PAK2: variants seen among roughly 807,000 people sequenced by gnomAD.
PAK2 encodes p21 (RAC1) activated kinase 2.
A neutral mutation model predicts 65.9 loss-of-function variants in PAK2; 21 were observed. The observed-to-expected ratio is 0.32, with a 90% CI of 0.23 to 0.46. The LOEUF (loss-of-function observed/expected upper bound fraction) is 0.46, where lower values mean the gene tolerates loss of function less well. PAK2 is among the 20% of genes least tolerant of loss of function. The probability of loss-of-function intolerance (pLI) is 1.00; values close to 1 mark genes in which losing one functional copy is unlikely to be tolerated. For synonymous variants in PAK2, 204 were observed against 219.7 expected (o/e 0.93, Z 0.63); for missense variants, 324 against 642.6 (o/e 0.50, Z 5.36).
chr3:196,818,227 C>A (rs1267512757), intron 12 of PAK2, 71 bp downstream of exon 12: 2 of 679,494 alleles, frequency 2.9e-6, no homozygotes, highest in African/African-American at 1.8e-5. Flanking sequence ...AAAAACTTTT[C>A]TTGACCAATG....
chr3:196,768,768 C>A (rs1007124693), intron 1 of PAK2, among the ~76,000 whole-genome samples: 1 of 151,668 alleles, frequency 6.6e-6, no homozygotes, highest in Non-Finnish European at 1.5e-5. Context: ...TGAGTTCAAG[C>A]GATTCTCCTG....
chr3:196,821,354 C>T (rs1403013929), intron 13 of PAK2, among the ~76,000 whole-genome samples: 1 of 150,942 alleles, frequency 6.6e-6, no homozygotes, highest in Non-Finnish European at 1.5e-5. Flanking sequence ...AACCCCACCA[C>T]AACAGGATAA....
At chr3:196,788,142 T>G (rs1021682924) in intron 2 of PAK2, among the ~76,000 whole-genome samples, 1 of 152,240 alleles carries the variant, frequency 6.6e-6, no homozygotes, top group African/African-American at 2.4e-5. Flanking sequence ...CCTCGTGGAT[T>G]TTATTCTGTG....
intron 1 of PAK2, among the ~76,000 whole-genome samples, chr3:196,749,210 G>C (rs1048591845): frequency 2.0e-5 from 3 of 151,848 alleles, no homozygotes; most frequent in Admixed American, 2.0e-4. Flanking sequence ...TACGAACATG[G>C]GTGTACAAAT....
chr3:196,812,394 A>G, intron 9 of PAK2, 127 bp downstream of exon 9: 2 of 703,170 alleles, frequency 2.8e-6, no homozygotes. Flanking sequence ...CGCTCTACGT[A>G]TGTTTATAGC....
At chr3:196,801,282 G>A (rs985692617) in intron 2 of PAK2, among the ~76,000 whole-genome samples, 8 of 152,156 alleles carry the variant, frequency 5.3e-5, no homozygotes, top group African/African-American at 1.9e-4. Context: ...CTCAGCATCT[G>A]AGATGTAGCC....
At chr3:196,785,313 G>A (rs1159969125) in intron 2 of PAK2, among the ~76,000 whole-genome samples, 1 of 152,104 alleles carries the variant, frequency 6.6e-6, no homozygotes, top group African/African-American at 2.4e-5. Context: ...TGTGGGTCCT[G>A]ACCAAAGATT....
chr3:196,790,309 G>A (rs1025973705), intron 2 of PAK2, among the ~76,000 whole-genome samples: 13 of 152,192 alleles, frequency 8.5e-5, no homozygotes, highest in African/African-American at 2.9e-4. Context: ...ATGTGACTCA[G>A]GGTCTCTGCC....
intron 2 of PAK2, among the ~76,000 whole-genome samples, chr3:196,795,526 A>AG (rs1370967324): frequency 4.6e-5 from 7 of 152,066 alleles, no homozygotes; most frequent in Non-Finnish European, 1.0e-4. Flanking sequence ...AAAAGCTACC[A>AG]GAAAAAAAAT....
intron 8 of PAK2, among the ~76,000 whole-genome samples, chr3:196,811,905 C>CA (rs1560114295): frequency 6.6e-6 from 1 of 152,028 alleles, no homozygotes. Flanking sequence ...TGGGAATCTT[C>CA]AAATTATTTA....
intron 2 of PAK2, 101 bp from the exon 3 acceptor site, chr3:196,801,826 T>C: frequency 1.5e-6 from 1 of 668,368 alleles, no homozygotes; most frequent in Non-Finnish European, 2.6e-6. Flanking sequence ...AGAGCGAAAC[T>C]CCATTTAAAA....
chr3:196,805,945 T>C (rs979524270), intron 5 of PAK2, among the ~76,000 whole-genome samples: 1 of 151,886 alleles, frequency 6.6e-6, no homozygotes, highest in Non-Finnish European at 1.5e-5. Context: ...AGAGTCTCGC[T>C]CTGTCGCCCA....
At chr3:196,746,210 C>G (rs1419642865) in intron 1 of PAK2, among the ~76,000 whole-genome samples, 1 of 151,962 alleles carries the variant, frequency 6.6e-6, no homozygotes, top group Admixed American at 6.6e-5. Context: ...TGAAATGACT[C>G]TGGTATTAAT....
chr3:196,822,559 G>T (rs1490065788), intron 13 of PAK2, among the ~76,000 whole-genome samples: 1 of 152,066 alleles, frequency 6.6e-6, no homozygotes, highest in Non-Finnish European at 1.5e-5. Context: ...GCATGTTAGT[G>T]TGTGCCTGTA....
chr3:196,794,276 G>A (rs1401732076), intron 2 of PAK2, among the ~76,000 whole-genome samples: 1 of 152,210 alleles, frequency 6.6e-6, no homozygotes, highest in Admixed American at 6.5e-5. Context: ...AAATGGTGGT[G>A]TAGAAGCACA....
At chr3:196,782,253 T>C (rs1183644162) in intron 1 of PAK2, among the ~76,000 whole-genome samples, 1 of 151,028 alleles carries the variant, frequency 6.6e-6, no homozygotes, top group Non-Finnish European at 1.5e-5. Context: ...CTCCCCAAGA[T>C]ATCCTATAAT....
chr3:196,823,809 C>T (rs570470491), intron 13 of PAK2, among the ~76,000 whole-genome samples: 81 of 133,972 alleles, frequency 6.0e-4, no homozygotes, highest in East Asian at 1.8e-3. Flanking sequence ...GAGATTCTGT[C>T]GCAAAAAAAA....
intron 1 of PAK2, among the ~76,000 whole-genome samples, chr3:196,751,263 T>G (rs1399485809): frequency 6.6e-6 from 1 of 152,186 alleles, no homozygotes; most frequent in Admixed American, 6.5e-5. Context: ...ATGCTCCAAA[T>G]TCCAGCACTT....
intron 1 of PAK2, among the ~76,000 whole-genome samples, chr3:196,763,862 G>A (rs533438614): frequency 6.6e-6 from 1 of 152,036 alleles, no homozygotes; most frequent in Non-Finnish European, 1.5e-5. Flanking sequence ...GGTGTGGCAC[G>A]ATCACGGCTC....
Sources: allele counts gnomAD v4.1 joint callset (sites outside exome capture counted in the v4.1 genomes callset), GRCh38; gene constraint gnomAD v4.1.1; transcripts MANE v1.5; gene names NCBI Gene and HGNC (gene_info 2026-07-23, HGNC 2026-07-21).